Variants in SPAG16 observed in about 807,000 individuals in gnomAD.
SPAG16 encodes sperm associated antigen 16, also known as sperm-associated antigen 16 protein.
SPAG16 carries 86 observed loss-of-function variants against 80.4 expected under a neutral mutation model. That is an observed-to-expected ratio of 1.07 (90% CI 0.90 to 1.28). SPAG16 has a LOEUF of 1.28. Among genes scored for constraint, SPAG16 ranks in the 50% most tolerant of loss-of-function variants. SPAG16 has a pLI of 0.00. For missense variants in SPAG16, 870 were observed against 765.3 expected (o/e 1.14, Z -1.61); for synonymous variants, 294 against 265.9 (o/e 1.11, Z -1.03).
At chr2:213,864,010 G>A (rs540047244) in intron 11 of SPAG16, among the ~76,000 whole-genome samples, 2 of 151,858 alleles carry the variant, frequency 1.3e-5, no homozygotes, top group South Asian at 2.1e-4. Context: ...AACCATAAGT[G>A]TTTTTAAATG....
At chr2:213,808,487 G>T (rs1006847098) in intron 10 of SPAG16, among the ~76,000 whole-genome samples, 1 of 152,120 alleles carries the variant, frequency 6.6e-6, no homozygotes, top group Non-Finnish European at 1.5e-5. Flanking sequence ...ATCAAAACCA[G>T]TAAAGATTTT....
chr2:214,028,229 T>A (rs992802697), intron 13 of SPAG16, among the ~76,000 whole-genome samples: 1 of 152,044 alleles, frequency 6.6e-6, no homozygotes, highest in Non-Finnish European at 1.5e-5. Flanking sequence ...GAGTTTGTGA[T>A]GAAATGACAT....
At chr2:213,773,156 G>C (rs2069361215) in intron 10 of SPAG16, among the ~76,000 whole-genome samples, 1 of 151,488 alleles carries the variant, frequency 6.6e-6, no homozygotes, top group Admixed American at 6.6e-5. Context: ...TTAATTTAGT[G>C]TCTTATAATT....
intron 15 of SPAG16, among the ~76,000 whole-genome samples, chr2:214,186,506 G>A (rs1471181337): frequency 1.3e-5 from 2 of 152,056 alleles, no homozygotes; most frequent in Non-Finnish European, 2.9e-5. Flanking sequence ...CAGAGAATTA[G>A]AAGAGTTACA....
At chr2:213,501,582 C>T (rs1217419320) in intron 10 of SPAG16, among the ~76,000 whole-genome samples, 1 of 152,152 alleles carries the variant, frequency 6.6e-6, no homozygotes, top group Non-Finnish European at 1.5e-5. Flanking sequence ...AAGACCTGCT[C>T]TGTGTATTTA....
chr2:214,306,377 T>A (rs1694915097), intron 15 of SPAG16, among the ~76,000 whole-genome samples: 1 of 152,178 alleles, frequency 6.6e-6, no homozygotes, highest in Non-Finnish European at 1.5e-5. Flanking sequence ...TTCTTTCTCT[T>A]CCCTGACTGC....
Position 213,674,884 on chromosome 2 carries a change from C to G in SPAG16, c.1070+184794C>G, listed in dbSNP as rs938135091. Among the ~76,000 whole-genome samples, 45 of 149,342 alleles carry G rather than the reference C, an allele frequency of 3.0e-4. 1 individual carries two copies. The highest frequency in any genetic ancestry group is 1.0e-4 in the Non-Finnish European group (7 of 67,986). On this transcript the variant is annotated intron_variant, in intron 10 of 15. Coordinates refer to ENST00000331683, the MANE Select transcript of SPAG16 (RefSeq NM_024532.5). ...CTTTATAGCAGCATGATTTATAATC[C>G]TTTGGGTATATACCCAGTAATGGGA...
intron 9 of SPAG16, among the ~76,000 whole-genome samples, chr2:213,433,915 C>CTTTTTTTTT (rs33989475): frequency 2.4e-5 from 2 of 85,012 alleles, no homozygotes; most frequent in African/African-American, 8.5e-5. Context: ...TTTTCTTTGT[C>CTTTTTTTTT]TTTTTTTTTT....
chr2:214,038,344 A>G lies in SPAG16; in HGVS notation c.1527+24267A>G, dbSNP rs149687061. ...CTATTACCTACACAGCAACTTCCCT[A>G]TTTTCTCTCTTCTGTCAATTTCAGT... On this transcript the variant is annotated intron_variant, in intron 13 of 15. Coordinates refer to ENST00000331683, the MANE Select transcript of SPAG16 (RefSeq NM_024532.5). Among the ~76,000 whole-genome samples the G allele has an allele frequency of 3.7e-3, 559 of 151,914 alleles. 4 individuals carry two copies. The highest frequency in any genetic ancestry group is 0.017 in the Middle Eastern group (5 of 292).
intron 15 of SPAG16, among the ~76,000 whole-genome samples, chr2:214,341,916 G>T (rs193013878): frequency 1.6e-4 from 25 of 152,194 alleles, no homozygotes; most frequent in African/African-American, 5.5e-4. Flanking sequence ...AGGTCTAAGG[G>T]CTCTGGCAGG....
intron 15 of SPAG16, among the ~76,000 whole-genome samples, chr2:214,197,934 C>T (rs11686643): frequency 0.3 from 45,389 of 151,494 alleles, 8,485 homozygotes; most frequent in Non-Finnish European, 0.41. Context: ...AATATTTAGG[C>T]CCAATTTGCT....
chr2:213,981,713 C>G (rs1404039571), intron 12 of SPAG16, among the ~76,000 whole-genome samples: 2 of 151,920 alleles, frequency 1.3e-5, no homozygotes, highest in Non-Finnish European at 2.9e-5. Context: ...GCAACAAACC[C>G]ATTATATATA....
chr2:213,694,144 T>C (rs1240037137), intron 10 of SPAG16, among the ~76,000 whole-genome samples: 1 of 152,050 alleles, frequency 6.6e-6, no homozygotes, highest in Non-Finnish European at 1.5e-5. Context: ...TAGCTTGAGA[T>C]CTGTAAGAAT....
At chr2:213,474,473 C>G (rs573666629) in intron 9 of SPAG16, among the ~76,000 whole-genome samples, 5 of 152,190 alleles carry the variant, frequency 3.3e-5, no homozygotes, top group African/African-American at 1.2e-4. Flanking sequence ...AGCTTTATTA[C>G]ATTCCCCACA....
At chr2:214,317,493 C>T (rs1157924459) in intron 15 of SPAG16, among the ~76,000 whole-genome samples, 7 of 152,120 alleles carry the variant, frequency 4.6e-5, no homozygotes, top group Non-Finnish European at 7.4e-5. Context: ...TTAAGATTCC[C>T]GAACCCATGT....
At chr2:214,273,896 A>T (rs1692233572) in intron 15 of SPAG16, among the ~76,000 whole-genome samples, 1 of 152,092 alleles carries the variant, frequency 6.6e-6, no homozygotes, top group Non-Finnish European at 1.5e-5. Context: ...CAGTATGGCC[A>T]TTTTCACGAT....
chr2:213,353,482 A>G (rs2065450048), intron 7 of SPAG16, among the ~76,000 whole-genome samples: 1 of 152,172 alleles, frequency 6.6e-6, no homozygotes, highest in South Asian at 2.1e-4. Context: ...AGCACAATGT[A>G]AAATATGAAG....
chr2:213,998,605 GA>G (rs2046640091), intron 12 of SPAG16, among the ~76,000 whole-genome samples: 1 of 152,200 alleles, frequency 6.6e-6, no homozygotes, highest in South Asian at 2.1e-4. Context: ...GGATGTTGCT[GA>G]AAAGTTACCT....
Position 213,317,365 on chromosome 2 carries a change from T to A in SPAG16, c.536+9T>A. 1 of 1,599,848 alleles carries A rather than the reference T, an allele frequency of 6.3e-7. No individual in the cohort carries two copies. On this transcript the variant is annotated intron_variant, in intron 5 of 15. Coordinates refer to ENST00000331683, the MANE Select transcript of SPAG16 (RefSeq NM_024532.5). ...TACAAACAAGCAGCTGAGTATGTTA[T>A]TTTTTAAATGACATTTTCTTCTTTT...
Sources: gnomAD v4.1 joint callset for allele counts (sites outside exome capture counted in the v4.1 genomes callset) on GRCh38, gnomAD v4.1.1 for gene constraint, MANE v1.5 for transcripts, NCBI Gene and HGNC (gene_info 2026-07-23, HGNC 2026-07-21) for gene names.